The following ZNF560 variants were observed in gnomAD, a reference collection of about 807,000 sequenced individuals.
ZNF560 encodes zinc finger protein 560.
ZNF560 carries 54 observed loss-of-function variants against 81.8 expected under a neutral mutation model. That is an observed-to-expected ratio of 0.66 (90% CI 0.53 to 0.83). The LOEUF is 0.83. Ranked by LOEUF, ZNF560 falls within the 40% of genes least tolerant of loss-of-function variation. The pLI, the probability that ZNF560 is intolerant of heterozygous loss-of-function variation, is 0.00. For synonymous variants in ZNF560, 321 were observed against 317.9 expected (o/e 1.01, Z -0.10); for missense variants, 940 against 932.4 (o/e 1.01, Z -0.11).
intron 2 of ZNF560, among the ~76,000 whole-genome samples, chr19:9,475,890 G>A (rs2073194183): frequency 6.6e-6 from 1 of 152,174 alleles, no homozygotes; most frequent in South Asian, 2.1e-4. Flanking sequence ...ACAGGCATGA[G>A]CCACTGCACC....
the ZNF560 span, among the ~76,000 whole-genome samples, chr19:9,449,995 A>AC: frequency 8.1e-5 from 12 of 147,372 alleles, no homozygotes; most frequent in East Asian, 5.9e-4. Flanking sequence ...AAAAAAAAAA[A>AC]AAACAACTGA....
the ZNF560 span, among the ~76,000 whole-genome samples, chr19:9,452,381 C>G: frequency 6.6e-6 from 1 of 152,124 alleles, no homozygotes. Context: ...ACCACTCTAA[C>G]CAGCAATGCC....
the ZNF560 span, among the ~76,000 whole-genome samples, chr19:9,457,467 C>G: frequency 6.6e-6 from 1 of 152,276 alleles, no homozygotes; most frequent in Admixed American, 6.5e-5. Context: ...AACAATTTGC[C>G]AGACTTATGT....
At chr19:9,470,622 C>T (rs944418433) in intron 6 of ZNF560, 104 bp from the exon 7 acceptor site, 13 of 1,509,332 alleles carry the variant, frequency 8.6e-6, no homozygotes, top group Admixed American at 1.7e-5. Context: ...GTACTGAGTG[C>T]TCCCACTATC....
chr19:9,488,423 T>C (rs2073419643), intron 2 of ZNF560, among the ~76,000 whole-genome samples: 1 of 152,104 alleles, frequency 6.6e-6, no homozygotes, highest in Admixed American at 6.6e-5. Context: ...AGCTTACCCT[T>C]TGGTTTCTGA....
downstream of ZNF560, among the ~76,000 whole-genome samples, chr19:9,464,640 T>C (rs1200095906): frequency 6.6e-6 from 1 of 152,200 alleles, no homozygotes; most frequent in Non-Finnish European, 1.5e-5. Context: ...AGGTGGACCA[T>C]GTCTAAAAAT....
chr19:9,466,994 AGT>A lies in ZNF560; in HGVS notation c.1951_1952del (p.Thr651TrpfsTer3). The A allele has an allele frequency of 6.2e-7, 1 of 1,614,116 alleles. No individual in the cohort carries two copies. The highest frequency in any genetic ancestry group is 8.5e-7 in the Non-Finnish European group (1 of 1,180,026). On this transcript the variant is annotated frameshift_variant, in exon 10 of 10. Coordinates refer to ENST00000301480, the MANE Select transcript of ZNF560 (RefSeq NM_152476.3). LOFTEE classifies it high-confidence loss of function. ...SSLVDHLRTH[T>X]GYKPYKCNAC... ...CATTACATTTATAGGGTTTATATCC[AGT>A]GTGAGTTCTTAAATGATCAACTAGA...
chr19:9,471,417 A>T lies in ZNF560; in HGVS notation c.239-39T>A, dbSNP rs528432406. ...ATAAACTGAGGTTTTTTTTTTTTTT[A>T]AAAAAAAAGGTAAAATGAAAGAGTT... On this transcript the variant is annotated intron_variant, in intron 5 of 9. Coordinates refer to ENST00000301480, the MANE Select transcript of ZNF560 (RefSeq NM_152476.3). 8.7e-3 allele frequency: 2,776 copies of T among 320,104 alleles called. 11 individuals are homozygous for T. The highest frequency in any genetic ancestry group is 0.043 in the Admixed American group (584 of 13,624). 19.8% of individuals were successfully genotyped at this position (320,104 alleles called of 1,614,324 possible). A position where few individuals can be genotyped will look rare whatever the true frequency, so the allele number is the denominator to read the frequency against.
intron 2 of ZNF560, among the ~76,000 whole-genome samples, chr19:9,491,729 G>T (rs1320761273): frequency 3.4e-5 from 5 of 149,252 alleles, no homozygotes; most frequent in Non-Finnish European, 7.4e-5. Flanking sequence ...AGGAGGCTGA[G>T]ACAGGAGAAT....
the ZNF560 span, among the ~76,000 whole-genome samples, chr19:9,456,376 A>G: frequency 9.7e-4 from 148 of 152,336 alleles, 1 homozygote; most frequent in African/African-American, 3.4e-3. Flanking sequence ...TCAAATCGTT[A>G]TATCTACCTC....
intron 2 of ZNF560, among the ~76,000 whole-genome samples, chr19:9,481,082 GAA>G (rs60806361): frequency 0.49 from 53,762 of 109,284 alleles, 11,802 homozygotes; most frequent in Non-Finnish European, 0.59. Flanking sequence ...GAGATTATCT[GAA>G]AAAAAAAAAA....
At chr19:9,503,425 A>G (rs2073647520), upstream of ZNF560, among the ~76,000 whole-genome samples, 2 of 152,162 alleles carry the variant, frequency 1.3e-5, no homozygotes. Context: ...AAGCAGATTC[A>G]ATGTCTCAGG....
the ZNF560 span, among the ~76,000 whole-genome samples, chr19:9,452,498 C>G: frequency 2.0e-5 from 3 of 152,140 alleles, no homozygotes; most frequent in East Asian, 5.8e-4. Context: ...ATGGAATCAA[C>G]CTAAATGCCA....
chr19:9,491,996 G>T (rs565903367), intron 2 of ZNF560, among the ~76,000 whole-genome samples: 36 of 276 alleles, frequency 0.13, 1 homozygote, highest in East Asian at 0.45. Context: ...TTTCTTTTGG[G>T]GGGGGGACAG....
intron 2 of ZNF560, among the ~76,000 whole-genome samples, chr19:9,494,274 G>C (rs1432958331): frequency 6.6e-6 from 1 of 152,096 alleles, no homozygotes; most frequent in Admixed American, 6.6e-5. Context: ...AGTGTGTATA[G>C]ATGGGCACAT....
In ZNF560 at chr19:9,466,590, T is replaced by A. The variant is rs372137495; in HGVS notation, c.2357A>T (p.His786Leu). Residue 786 changes from histidine (H) to leucine (L), a missense_variant, in exon 10 of 10, where the codon CAT becomes CTT. Coordinates refer to ENST00000301480, the MANE Select transcript of ZNF560 (RefSeq NM_152476.3). Reference protein sequence around the residue: ...AFASFSARIAHLKTH With the variant: ...AFASFSARIALLKTH ...GGCTTCTCTCTAGTGTGTTTTCAAA[T>A]GTGCAATACGAGCTGAGAAAGAAGC... 6.3e-7 allele frequency: 1 copy of A among 1,597,066 alleles called. No individual in the cohort carries two copies. The highest frequency in any genetic ancestry group is 1.7e-5 in the Admixed American group (1 of 58,022).
chr19:9,486,614 C>T (rs927237671), intron 2 of ZNF560, among the ~76,000 whole-genome samples: 2 of 151,918 alleles, frequency 1.3e-5, no homozygotes, highest in African/African-American at 4.8e-5. Context: ...GTGGCAGGTG[C>T]CTGTAATCTC....
At chr19:9,460,139 C>T in the ZNF560 span, among the ~76,000 whole-genome samples, 1 of 152,308 alleles carries the variant, frequency 6.6e-6, no homozygotes, top group East Asian at 1.9e-4. Context: ...TAAAGCCCTA[C>T]TATGAGCCAG....
chr19:9,489,632 C>T (rs913406370), intron 2 of ZNF560, among the ~76,000 whole-genome samples: 1 of 152,082 alleles, frequency 6.6e-6, no homozygotes, highest in African/African-American at 2.4e-5. Context: ...ACATGTCACC[C>T]AGGCTGGAGT....
Sources: gnomAD v4.1 joint callset for allele counts (sites outside exome capture counted in the v4.1 genomes callset) on GRCh38, gnomAD v4.1.1 for gene constraint, MANE v1.5 for transcripts, NCBI Gene and HGNC (gene_info 2026-07-23, HGNC 2026-07-21) for gene names.